Variants in MMEL1 observed in about 807,000 individuals in gnomAD.
MMEL1 encodes membrane metallo-endopeptidase-like 1.
In MMEL1, 98 loss-of-function variants were observed where a neutral mutation model predicts 117.1. The ratio of observed to expected loss-of-function variants is 0.84; its 90% CI spans 0.71 to 0.99. The LOEUF is 0.99. Ranked by LOEUF, MMEL1 falls within the 50% of genes least tolerant of loss-of-function variation. The pLI, the probability that MMEL1 is intolerant of heterozygous loss-of-function variation, is 0.00. For synonymous variants in MMEL1, 390 were observed against 415.1 expected, an observed-to-expected ratio of 0.94 and a Z score of 0.74; for missense variants, 1,014 against 1,049.1, an observed-to-expected ratio of 0.97 and a Z score of 0.46.
intron 14 of MMEL1, 81 bp from the exon 15 acceptor site, chr1:2,596,188 GT>G: frequency 7.6e-7 from 1 of 1,319,852 alleles, no homozygotes; most frequent in Non-Finnish European, 1.1e-6. Context: ...GGGAGGTCTG[GT>G]CTGAGCCCCG....
chr1:2,603,804 G>T (rs1188907207), intron 11 of MMEL1, 80 bp downstream of exon 11: 3 of 1,269,604 alleles, frequency 2.4e-6, no homozygotes, highest in Non-Finnish European at 2.2e-6. Flanking sequence ...CAGGCAACGT[G>T]CCCTCTCAGA....
intron 2 of MMEL1, among the ~76,000 whole-genome samples, chr1:2,619,979 A>C (rs1645266496): frequency 6.6e-6 from 1 of 152,212 alleles, no homozygotes; most frequent in African/African-American, 2.4e-5. Flanking sequence ...AAAAGGAGAG[A>C]AAAGGGATAT....
intron 11 of MMEL1, among the ~76,000 whole-genome samples, chr1:2,602,816 T>C (rs1644955079): frequency 6.6e-6 from 1 of 152,140 alleles, no homozygotes; most frequent in Admixed American, 6.5e-5. Flanking sequence ...CAGATGGCCA[T>C]GGCCCTTGGT....
chr1:2,591,690 T>TGGGGGGGGGGCCGGGGGGGGG, intron 22 of MMEL1, 57 bp from the exon 23 acceptor site: 2 of 376,492 alleles, frequency 5.3e-6, no homozygotes, highest in Non-Finnish European at 1.0e-5. Flanking sequence ...CCAGGAGGGG[T>TGGGGGGGGGGCCGGGGGGGGG]GGGGGAGGGT....
At chr1:2,610,201 C>T (rs965215035) in intron 4 of MMEL1, among the ~76,000 whole-genome samples, 4 of 152,046 alleles carry the variant, frequency 2.6e-5, no homozygotes, top group African/African-American at 7.2e-5. Context: ...TCTCCTCTCC[C>T]GAATGCCTTT....
At chr1:2,602,548 G>A in intron 11 of MMEL1, among the ~76,000 whole-genome samples, 1 of 152,074 alleles carries the variant, frequency 6.6e-6, no homozygotes, top group East Asian at 1.9e-4. Flanking sequence ...CTCTTGCCCG[G>A]GCTACGTGGC....
At position 2,628,800 on chromosome 1, in the gene MMEL1, C is replaced by G. The variant is rs577367304; in HGVS notation, c.154+531G>C. Among the ~76,000 whole-genome samples the G allele has an allele frequency of 1.9e-3, 284 of 152,326 alleles. 1 individual carries two copies. The highest frequency in any genetic ancestry group is 6.6e-3 in the African/African-American group (275 of 41,572). On this transcript the variant is annotated intron_variant, in intron 2 of 23. Transcript: ENST00000378412. ...TCTCCGTGGGACCCCAGACTGGCCC[C>G]TTCCCGCCGTGGTCCCGTGACCTGA...
chr1:2,602,409 G>A (rs948950281), intron 11 of MMEL1, among the ~76,000 whole-genome samples: 3 of 152,138 alleles, frequency 2.0e-5, no homozygotes, highest in Non-Finnish European at 2.9e-5. Context: ...ATGTCTCCAC[G>A]GCAACCTCAG....
chr1:2,597,475 C>A (rs1372428636), intron 13 of MMEL1, among the ~76,000 whole-genome samples: 1 of 152,090 alleles, frequency 6.6e-6, no homozygotes, highest in Non-Finnish European at 1.5e-5. Flanking sequence ...AGCCCCTATA[C>A]CCAATCCCTC....
intron 11 of MMEL1, among the ~76,000 whole-genome samples, chr1:2,602,276 G>T (rs964586610): frequency 2.5e-5 from 3 of 117,820 alleles, no homozygotes; most frequent in Middle Eastern, 4.2e-3. Context: ...CGTAAGTCTT[G>T]ATCTGAGGGG....
intron 6 of MMEL1, among the ~76,000 whole-genome samples, chr1:2,608,663 C>A (rs142229932): frequency 6.6e-6 from 1 of 151,998 alleles, no homozygotes; most frequent in Non-Finnish European, 1.5e-5. Flanking sequence ...ACACAACACA[C>A]CCATAGAATA....
At chr1:2,601,644 G>A (rs1332744376) in intron 11 of MMEL1, among the ~76,000 whole-genome samples, 1 of 152,210 alleles carries the variant, frequency 6.6e-6, no homozygotes, top group African/African-American at 2.4e-5. Flanking sequence ...GCCCAGTGGG[G>A]AGAACATTTG....
Position 2,606,272 on chromosome 1 carries a change from C to G in MMEL1, c.726G>C (p.Gln242His). 1 of 1,613,320 alleles carries G rather than the reference C, an allele frequency of 6.2e-7. No homozygotes were observed. The highest frequency in any genetic ancestry group is 1.1e-5 in the South Asian group (1 of 91,090). ...LIDLFIWNDD[Q>H]NSSRHIIYID... Reference sequence around the variant, plus strand: ...CGTAGATGATGTGCCGGCTGGAGTTCTGGTCGTCGTTCCAGATGAAGAGGT... The same window carrying G: ...CGTAGATGATGTGCCGGCTGGAGTTGTGGTCGTCGTTCCAGATGAAGAGGT... Residue 242 changes from glutamine to histidine, a missense_variant, in exon 8 of 24, where the codon CAG becomes CAC. By Grantham distance (24) the Gln-to-His change is conservative. Coordinates refer to ENST00000378412, the MANE Select transcript of MMEL1 (RefSeq NM_033467.4).
chr1:2,622,749 G>A (rs1423099374), intron 2 of MMEL1, among the ~76,000 whole-genome samples: 2 of 152,074 alleles, frequency 1.3e-5, no homozygotes, highest in Non-Finnish European at 2.9e-5. Flanking sequence ...TTTGGGCGTG[G>A]TGGTGGGCAC....
rs1199194135 is a variant in MMEL1 at position 2,592,722 on chromosome 1, T to C, written c.2002-2A>G. Reference sequence around the variant, plus strand: ...CCCAAGGGTGTTGAATCCGTTCACCTGCGCACAGGAGACAGGATTGGGGCA... The same window carrying C: ...CCCAAGGGTGTTGAATCCGTTCACCCGCGCACAGGAGACAGGATTGGGGCA... On this transcript the variant is annotated splice_acceptor_variant, in intron 20 of 23. Coordinates refer to ENST00000378412, the MANE Select transcript of MMEL1 (RefSeq NM_033467.4). LOFTEE classifies it high-confidence loss of function. The C allele has an allele frequency of 1.2e-6, 2 of 1,611,034 alleles. No homozygotes were observed.
chr1:2,605,222 C>T (rs1020921181), intron 9 of MMEL1, among the ~76,000 whole-genome samples: 5 of 152,198 alleles, frequency 3.3e-5, no homozygotes, highest in African/African-American at 9.7e-5. Flanking sequence ...GCCCAGCTGC[C>T]TGCACTCAGA....
intron 2 of MMEL1, among the ~76,000 whole-genome samples, chr1:2,616,394 A>T (rs1026760378): frequency 9.9e-5 from 15 of 151,556 alleles, no homozygotes; most frequent in Non-Finnish European, 1.8e-4. Context: ...ATTGAGGGGA[A>T]CAACAGTAAG....
intron 2 of MMEL1, among the ~76,000 whole-genome samples, chr1:2,626,854 A>G (rs967957772): frequency 6.6e-6 from 1 of 152,266 alleles, no homozygotes; most frequent in Non-Finnish European, 1.5e-5. Flanking sequence ...CAAGGCAAGA[A>G]AAGAGAAAAA....
In MMEL1 at chr1:2,609,653, C is replaced by A; in HGVS notation, c.454+17G>T. The A allele has an allele frequency of 6.3e-7, 1 of 1,597,656 alleles. No homozygotes were observed. The highest frequency in any genetic ancestry group is 8.5e-7 in the Non-Finnish European group (1 of 1,171,272). On this transcript the variant is annotated intron_variant, in intron 5 of 23. Coordinates refer to ENST00000378412, the MANE Select transcript of MMEL1 (RefSeq NM_033467.4). ...GTTCGGCGTCACCCCACTGCACCCC[C>A]GGCCGTGCTCTGCCACCTTTGAGGA...
Sources: allele counts gnomAD v4.1 joint callset (sites outside exome capture counted in the v4.1 genomes callset), GRCh38; gene constraint gnomAD v4.1.1; transcripts MANE v1.5; gene names NCBI Gene and HGNC (gene_info 2026-07-23, HGNC 2026-07-21).